CTNNA3: variants seen among roughly 807,000 people sequenced by gnomAD.
CTNNA3 encodes catenin alpha-3.
In CTNNA3, 76 loss-of-function variants were observed where a neutral mutation model predicts 95.7. The ratio of observed to expected loss-of-function variants is 0.79; its 90% CI spans 0.66 to 0.96. The LOEUF is 0.96. CTNNA3 is among the 40% of genes least tolerant of loss of function. The probability of loss-of-function intolerance (pLI) is 0.00; values close to 1 mark genes in which losing one functional copy is unlikely to be tolerated. For synonymous variants in CTNNA3, 431 were observed against 374.4 expected, an observed-to-expected ratio of 1.15 and a Z score of -1.74; for missense variants, 1,191 against 1,089.8, an observed-to-expected ratio of 1.09 and a Z score of -1.31.
chr10:67,750,563 G>C, intron 1 of CTNNA3: 1 of 1,578,822 alleles, frequency 6.3e-7, no homozygotes, highest in Non-Finnish European at 8.7e-7. Flanking sequence ...GAAAGCCTTT[G>C]AGAAGACCCT....
At chr10:66,178,405 A>G (rs1428845561) in intron 13 of CTNNA3, among the ~76,000 whole-genome samples, 6 of 21,606 alleles carry the variant, frequency 2.8e-4, no homozygotes, top group African/African-American at 1.2e-3. Flanking sequence ...AAGTGTATAT[A>G]TATATATATA....
chr10:67,727,107 A>C (rs1385598579), intron 1 of CTNNA3, among the ~76,000 whole-genome samples: 2 of 121,646 alleles, frequency 1.6e-5, no homozygotes, highest in Non-Finnish European at 3.2e-5. Context: ...ATAATATATG[A>C]TACATATATG....
chr10:67,172,312 T>G (rs929330094), intron 7 of CTNNA3, among the ~76,000 whole-genome samples: 1 of 152,200 alleles, frequency 6.6e-6, no homozygotes, highest in African/African-American at 2.4e-5. Context: ...CCTTGACAAC[T>G]AAGACTGCAG....
chr10:66,528,770 G>A (rs1841358664), intron 10 of CTNNA3, among the ~76,000 whole-genome samples: 1 of 152,032 alleles, frequency 6.6e-6, no homozygotes, highest in South Asian at 2.1e-4. Context: ...TCTCCTTTCT[G>A]AAACACCCCC....
At chr10:67,080,936 CAAAA>C (rs58476986) in intron 7 of CTNNA3, among the ~76,000 whole-genome samples, 1 of 31,430 alleles carries the variant, frequency 3.2e-5, no homozygotes, top group African/African-American at 2.2e-4. Context: ...AAAAAAACAA[CAAAA>C]AAAAAAAAAC....
At chr10:66,379,708 G>A (rs113326284) in intron 11 of CTNNA3, among the ~76,000 whole-genome samples, 2 of 152,200 alleles carry the variant, frequency 1.3e-5, no homozygotes, top group African/African-American at 4.8e-5. Context: ...ATTCTACATC[G>A]TGAATGAAAG....
chr10:67,460,917 T>C (rs955732458), intron 5 of CTNNA3, among the ~76,000 whole-genome samples: 1 of 152,192 alleles, frequency 6.6e-6, no homozygotes. Flanking sequence ...TAATGTTCTG[T>C]CATGTGAATA....
At chr10:67,187,173 T>A (rs2132161817) in intron 6 of CTNNA3, among the ~76,000 whole-genome samples, 1 of 152,320 alleles carries the variant, frequency 6.6e-6, no homozygotes, top group South Asian at 2.1e-4. Context: ...TCTGTCCAAA[T>A]CTGTCTACTT....
intron 7 of CTNNA3, among the ~76,000 whole-genome samples, chr10:66,822,317 T>C (rs1310938553): frequency 6.6e-6 from 1 of 152,140 alleles, no homozygotes; most frequent in Non-Finnish European, 1.5e-5. Context: ...CATGGCATTC[T>C]TAACTGGAGT....
chr10:66,653,267 A>G lies in CTNNA3; in HGVS notation c.1282-31483T>C, dbSNP rs987474867. ...AAAACTGATACATTCAGAAAGTTGC[A>G]GGATACAACATCAACATACAAAAAT... On this transcript the variant is annotated intron_variant, in intron 9 of 17. Coordinates refer to ENST00000433211, the MANE Select transcript of CTNNA3 (RefSeq NM_013266.4). Among the ~76,000 whole-genome samples the G allele has an allele frequency of 2.6e-5, 4 of 152,262 alleles. No individual in the cohort carries two copies. The South Asian group carries it at 8.3e-4, about 32-fold the overall frequency.
chr10:66,249,161 A>C (rs2090450083), intron 13 of CTNNA3, among the ~76,000 whole-genome samples: 1 of 152,174 alleles, frequency 6.6e-6, no homozygotes, highest in African/African-American at 2.4e-5. Context: ...ACTAGAAACT[A>C]TAAAACTACT....
At chr10:66,343,524 A>C (rs573374324) in intron 12 of CTNNA3, among the ~76,000 whole-genome samples, 2 of 152,032 alleles carry the variant, frequency 1.3e-5, no homozygotes, top group Non-Finnish European at 2.9e-5. Context: ...AGTTAAAAAA[A>C]AAAAGTTGAT....
intron 9 of CTNNA3, among the ~76,000 whole-genome samples, chr10:66,732,958 G>A (rs558808333): frequency 6.6e-6 from 1 of 152,104 alleles, no homozygotes; most frequent in East Asian, 1.9e-4. Context: ...ACCGCGCCCA[G>A]CTGATTTTTG....
intron 1 of CTNNA3, among the ~76,000 whole-genome samples, chr10:67,685,872 C>A (rs955793069): frequency 6.6e-6 from 1 of 152,240 alleles, no homozygotes; most frequent in African/African-American, 2.4e-5. Flanking sequence ...ATCTTCCTCT[C>A]TCTGTCTCTC....
chr10:66,176,928 G>C (rs1394169980), intron 13 of CTNNA3, among the ~76,000 whole-genome samples: 2 of 151,898 alleles, frequency 1.3e-5, no homozygotes, highest in Non-Finnish European at 2.9e-5. Context: ...AATCACTGAA[G>C]TCTTAGGAAA....
chr10:67,480,457 G>T (rs1241440623), intron 5 of CTNNA3, among the ~76,000 whole-genome samples: 1 of 152,172 alleles, frequency 6.6e-6, no homozygotes, highest in Non-Finnish European at 1.5e-5. Flanking sequence ...TGCTATGATG[G>T]CTTGATGGCT....
chr10:66,292,094 CAT>C (rs1025544287), intron 12 of CTNNA3, among the ~76,000 whole-genome samples: 17 of 150,570 alleles, frequency 1.1e-4, no homozygotes, highest in Non-Finnish European at 1.5e-4. Flanking sequence ...CACACACACA[CAT>C]ATATATATAC....
rs201887990 is a variant in CTNNA3, at chr10:66,178,424, T to C, written c.1885-75175A>G. Among the ~76,000 whole-genome samples, 925 of 93,954 alleles carry C rather than the reference T, an allele frequency of 9.8e-3. 16 individuals carry two copies. Among genetic ancestry groups the C allele is most frequent in the Middle Eastern group, 0.065 (11 of 168 alleles). 61.6% of individuals were successfully genotyped at this position (93,954 alleles called of 152,430 possible). A position where few individuals can be genotyped will look rare whatever the true frequency, so the allele number is the denominator to read the frequency against. On this transcript the variant is annotated intron_variant, in intron 13 of 17. Coordinates refer to ENST00000433211, the MANE Select transcript of CTNNA3 (RefSeq NM_013266.4). The stretch of plus-strand genomic sequence containing the variant: ...GTATATATATATATATATATATATA[T>C]ATATATATATATATATATACACACA...
chr10:67,746,205 G>A (rs1307361046), intron 1 of CTNNA3, among the ~76,000 whole-genome samples: 1 of 152,076 alleles, frequency 6.6e-6, no homozygotes, highest in Non-Finnish European at 1.5e-5. Flanking sequence ...AAATCAGCAT[G>A]GTCCTAGCAT....
Sources: gnomAD v4.1 joint callset for allele counts (sites outside exome capture counted in the v4.1 genomes callset) on GRCh38, gnomAD v4.1.1 for gene constraint, MANE v1.5 for transcripts, NCBI Gene and HGNC (gene_info 2026-07-23, HGNC 2026-07-21) for gene names.